Variants in CYP39A1 observed in about 807,000 individuals in gnomAD.
CYP39A1 encodes the protein cytochrome P450 family 39 subfamily A member 1, also known as 24-hydroxycholesterol 7-alpha-hydroxylase.
CYP39A1 carries 49 observed loss-of-function variants against 58.1 expected under a neutral mutation model. The ratio of observed to expected loss-of-function variants is 0.84; its 90% confidence interval spans 0.67 to 1.07. The LOEUF (loss-of-function observed/expected upper bound fraction) is 1.07, where lower values mean the gene tolerates loss of function less well. CYP39A1 is among the 50% of genes least tolerant of loss of function. CYP39A1 has a pLI of 0.00. For missense variants in CYP39A1, 531 were observed against 539.4 expected (o/e 0.98, Z 0.16); for synonymous variants, 209 against 187.6 (o/e 1.11, Z -0.93).
At chr6:46,603,973 A>G (rs1408996638) in intron 7 of CYP39A1, among the ~76,000 whole-genome samples, 1 of 152,194 alleles carries the variant, frequency 6.6e-6, no homozygotes, top group Admixed American at 6.5e-5. Flanking sequence ...AACCAAGTCA[A>G]GTATACAATG....
chr6:46,638,004 G>C (rs374464825), intron 3 of CYP39A1, 26 bp from the exon 4 acceptor site: 8 of 1,579,012 alleles, frequency 5.1e-6, no homozygotes, highest in Non-Finnish European at 6.8e-6. Context: ...CACACAAAAA[G>C]TCAGACCCGA....
Position 46,549,928 on chromosome 6 carries a change from A to G in CYP39A1, c.*438T>C, listed in dbSNP as rs1770302286. The G allele has an allele frequency of 6.5e-6, 1 of 152,922 alleles. No homozygotes were observed. Among genetic ancestry groups the G allele is most frequent in the Non-Finnish European group, 1.5e-5 (1 of 68,268 alleles). 9.5% of individuals were successfully genotyped at this position (152,922 alleles called of 1,614,324 possible). ...TGAGAATCACCTCAAGAAAAATAGA[A>G]AATTTGTAGAAATAATTATTAAATT... On this transcript the variant is annotated 3_prime_UTR_variant, in exon 12 of 12. Coordinates refer to ENST00000275016, the MANE Select transcript of CYP39A1 (RefSeq NM_016593.5).
chr6:46,610,550 G>A (rs775253897), intron 7 of CYP39A1, among the ~76,000 whole-genome samples: 83 of 152,014 alleles, frequency 5.5e-4, no homozygotes, highest in Non-Finnish European at 1.0e-3. Context: ...TCACTATGTT[G>A]CCCAGGCTGG....
At chr6:46,602,689 C>CA (rs35833432) in intron 7 of CYP39A1, among the ~76,000 whole-genome samples, 2,979 of 45,906 alleles carry the variant, frequency 0.065, 102 homozygotes, top group Non-Finnish European at 0.08. Flanking sequence ...GTGCACGTCT[C>CA]AAAAAAAAAA....
intron 7 of CYP39A1, among the ~76,000 whole-genome samples, chr6:46,615,612 G>C (rs1005240273): frequency 6.6e-6 from 1 of 151,994 alleles, no homozygotes; most frequent in African/African-American, 2.4e-5. Context: ...TCCACGCATT[G>C]AGAGTTGAAT....
chr6:46,613,676 A>G lies in CYP39A1; in HGVS notation c.931+11742T>C, dbSNP rs138421197. ...TGGAAAAGTCAAATGCAAAAGTGAA[A>G]AAAATTCCAGCACATTTTTATTTGT... is the stretch of plus-strand genomic sequence containing the variant. On this transcript the variant is annotated intron_variant, in intron 7 of 11. Coordinates refer to ENST00000275016, the MANE Select transcript of CYP39A1 (RefSeq NM_016593.5). 2.0e-3 allele frequency among the ~76,000 whole-genome samples: 302 copies of G among 151,968 alleles called. 1 individual carries two copies. Among genetic ancestry groups the G allele is most frequent in the African/African-American group, 7.1e-3 (296 of 41,548 alleles).
intron 7 of CYP39A1, among the ~76,000 whole-genome samples, chr6:46,625,039 A>C (rs1381783864): frequency 1.3e-5 from 2 of 152,154 alleles, no homozygotes; most frequent in Non-Finnish European, 2.9e-5. Context: ...AATATATGGA[A>C]TATACCCTTA....
intron 1 of CYP39A1, 85 bp downstream of exon 1, chr6:46,652,321 G>A: frequency 7.5e-7 from 1 of 1,329,408 alleles, no homozygotes; most frequent in Non-Finnish European, 1.0e-6. Flanking sequence ...CCGTGTTCTA[G>A]CCCTGCACTT....
intron 1 of CYP39A1, 94 bp from the exon 2 acceptor site, chr6:46,642,392 C>G: frequency 8.2e-7 from 1 of 1,218,588 alleles, no homozygotes; most frequent in South Asian, 1.6e-5. Flanking sequence ...AAGTTATAGT[C>G]AAAAGAAAAA....
intron 10 of CYP39A1, among the ~76,000 whole-genome samples, chr6:46,585,369 A>G (rs1392209403): frequency 6.6e-6 from 1 of 152,170 alleles, no homozygotes; most frequent in Admixed American, 6.6e-5. Context: ...ATAGACAGAC[A>G]GATAGCTAGA....
chr6:46,642,294 C>T lies in CYP39A1; in HGVS notation c.182G>A (p.Gly61Glu), dbSNP rs377185387. The T allele has an allele frequency of 1.3e-5, 21 of 1,610,808 alleles. No homozygotes were observed. The Middle Eastern group carries it at 5.0e-4, about 38-fold the overall frequency. The change falls in exon 2 of 12, where the codon GGA (glycine) becomes GAA (glutamate). Residue 61 changes from glycine to glutamate, a missense_variant. By Grantham distance (98) the Gly-to-Glu change is moderately conservative. Coordinates refer to ENST00000275016, the MANE Select transcript of CYP39A1 (RefSeq NM_016593.5). ...EFIEKARIKYGPIFTVFAMGN... is the reference protein window; with the variant it reads ...EFIEKARIKYEPIFTVFAMGN... ...CATAGCAAAGACTGTAAATATTGGTCCATACTGAAATAAAACAAACATAGA... is the reference window on the plus strand; with the variant it reads ...CATAGCAAAGACTGTAAATATTGGTTCATACTGAAATAAAACAAACATAGA...
At chr6:46,577,787 C>A (rs1426130213) in intron 10 of CYP39A1, among the ~76,000 whole-genome samples, 2 of 151,770 alleles carry the variant, frequency 1.3e-5, no homozygotes, top group South Asian at 2.1e-4. Context: ...AAAAAAAATT[C>A]TTAGAGGCTT....
At chr6:46,628,162 A>G (rs1433132774) in intron 6 of CYP39A1, among the ~76,000 whole-genome samples, 2 of 152,208 alleles carry the variant, frequency 1.3e-5, no homozygotes, top group Non-Finnish European at 2.9e-5. Flanking sequence ...AGAGATTTTG[A>G]TGGAGTCTTC....
chr6:46,550,974 C>G (rs539100536), intron 11 of CYP39A1, among the ~76,000 whole-genome samples: 1 of 151,862 alleles, frequency 6.6e-6, no homozygotes, highest in Non-Finnish European at 1.5e-5. Flanking sequence ...TTTTTTCGCC[C>G]GAGTTAGAAA....
In CYP39A1 at chr6:46,652,464, C is replaced by T. The variant is rs761905057; in HGVS notation, c.119G>A (p.Gly40Glu). ...GGCTTTCCCAAACTCAAATCCAACT[C>T]CAATCCAAGGAATCCAGCCCTTGAT... ...PCIKGWIPWIGVGFEFGKAPL... is the reference protein window; with the variant it reads ...PCIKGWIPWIEVGFEFGKAPL... The change falls in exon 1 of 12, where the codon GGA (glycine) becomes GAA (glutamate). Residue 40 changes from glycine to glutamate, a missense_variant. Physicochemically the swap from Gly to Glu is moderately conservative, Grantham distance 98. Coordinates refer to ENST00000275016, the MANE Select transcript of CYP39A1 (RefSeq NM_016593.5). 2 of 1,613,782 alleles carry T rather than the reference C, an allele frequency of 1.2e-6. No homozygotes were observed. The highest frequency in any genetic ancestry group is 2.2e-5 in the East Asian group (1 of 44,876).
chr6:46,604,855 T>C (rs1185774687), intron 7 of CYP39A1, among the ~76,000 whole-genome samples: 3 of 152,112 alleles, frequency 2.0e-5, no homozygotes, highest in Non-Finnish European at 4.4e-5. Context: ...TAGCAACTAT[T>C]AGACATCAAT....
chr6:46,642,023 C>G (rs1159167529), intron 2 of CYP39A1, 140 bp downstream of exon 2: 1 of 896,926 alleles, frequency 1.1e-6, no homozygotes, highest in East Asian at 2.6e-5. Context: ...ATAACTCTTT[C>G]CTCTTCTACC....
chr6:46,586,700 G>C (rs1233980712), intron 10 of CYP39A1, among the ~76,000 whole-genome samples: 3 of 151,990 alleles, frequency 2.0e-5, no homozygotes, highest in Non-Finnish European at 4.4e-5. Context: ...AGATTTTCTA[G>C]AACCCTAGCA....
intron 7 of CYP39A1, among the ~76,000 whole-genome samples, chr6:46,620,835 G>A (rs975711077): frequency 1.3e-5 from 2 of 152,124 alleles, no homozygotes; most frequent in African/African-American, 4.8e-5. Context: ...AAATAATGGA[G>A]CAGAGACTTC....
Sources: allele counts gnomAD v4.1 joint callset (sites outside exome capture counted in the v4.1 genomes callset), GRCh38; gene constraint gnomAD v4.1.1; transcripts MANE v1.5; gene names NCBI Gene and HGNC (gene_info 2026-07-23, HGNC 2026-07-21).